Variants in P3H2 observed in about 807,000 individuals in gnomAD.
P3H2 encodes leprecan-like 1.
Under a neutral mutation model 87.0 loss-of-function variants are expected in P3H2, and 80 were observed. That is an observed-to-expected ratio of 0.92 (90% CI 0.77 to 1.11). The LOEUF is 1.11. P3H2 is among the 50% of genes least tolerant of loss of function. The probability of loss-of-function intolerance (pLI) is 0.00; values close to 1 mark genes in which losing one functional copy is unlikely to be tolerated. For synonymous variants in P3H2, 367 were observed against 359.3 expected (o/e 1.02, Z -0.24); for missense variants, 1,001 against 923.9 (o/e 1.08, Z -1.08).
At chr3:190,096,400 C>G (rs191148626) in intron 1 of P3H2, among the ~76,000 whole-genome samples, 116 of 152,258 alleles carry the variant, frequency 7.6e-4, no homozygotes, top group Non-Finnish European at 1.3e-3. Context: ...TTCACTTTCT[C>G]TCTCCTGCTT....
At chr3:189,970,300 T>A (rs961617363) in intron 13 of P3H2, among the ~76,000 whole-genome samples, 5 of 141,946 alleles carry the variant, frequency 3.5e-5, no homozygotes, top group African/African-American at 7.7e-5. Flanking sequence ...TATATATTTT[T>A]TATATATATA....
At chr3:190,079,340 A>AT (rs1726969142) in intron 1 of P3H2, among the ~76,000 whole-genome samples, 3 of 136,840 alleles carry the variant, frequency 2.2e-5, no homozygotes, top group Middle Eastern at 3.7e-3. Flanking sequence ...CTCTGTCTCA[A>AT]AAAATAAATA....
At chr3:190,011,222 G>C (rs1054035394) in intron 1 of P3H2, among the ~76,000 whole-genome samples, 1 of 149,056 alleles carries the variant, frequency 6.7e-6, no homozygotes, top group African/African-American at 2.5e-5. Flanking sequence ...GCAGTGAGCC[G>C]AGATTGCGCC....
rs113432274 is a variant in P3H2, at chr3:190,063,675, C to A, written c.480+56577G>T. On this transcript the variant is annotated intron_variant, in intron 1 of 14. Coordinates refer to ENST00000319332, the MANE Select transcript of P3H2 (RefSeq NM_018192.4). ...ATATAAATGTGTGAAAGTCTCCTCACGCCCACTGTGGTGGTGGTTGTAATT... is the reference window on the plus strand; with the variant it reads ...ATATAAATGTGTGAAAGTCTCCTCAAGCCCACTGTGGTGGTGGTTGTAATT... Among the ~76,000 whole-genome samples, 4 of 152,224 alleles carry A rather than the reference C, an allele frequency of 2.6e-5. No homozygotes were observed. In the East Asian group the frequency reaches 7.7e-4, roughly 29 times the overall value.
chr3:190,033,770 T>C (rs1480900032), intron 1 of P3H2, among the ~76,000 whole-genome samples: 1 of 152,220 alleles, frequency 6.6e-6, no homozygotes, highest in East Asian at 1.9e-4. Context: ...ATTTAAGCTA[T>C]TTGCAAGAGA....
intron 1 of P3H2, among the ~76,000 whole-genome samples, chr3:190,087,414 G>A (rs972280539): frequency 6.6e-6 from 1 of 151,670 alleles, no homozygotes; most frequent in Admixed American, 6.6e-5. Flanking sequence ...TGTGGTGGCG[G>A]GCGCCTGTAG....
At chr3:190,048,720 A>G (rs895459415) in intron 1 of P3H2, among the ~76,000 whole-genome samples, 8 of 152,226 alleles carry the variant, frequency 5.3e-5, no homozygotes, top group Non-Finnish European at 2.9e-5. Flanking sequence ...GGTGGACTAT[A>G]GGGACAGTAG....
chr3:189,964,347 G>T (rs993951803), intron 13 of P3H2, among the ~76,000 whole-genome samples: 31 of 152,208 alleles, frequency 2.0e-4, no homozygotes, highest in Non-Finnish European at 4.1e-4. Context: ...CACATACATA[G>T]TAATCATTCA....
Position 189,957,479 on chromosome 3 carries a change from G to GTA in P3H2, c.*432_*433insTA, listed in dbSNP as rs1255226635. The GTA allele has an allele frequency of 3.1e-6, 1 of 327,510 alleles. No homozygotes were observed. The highest frequency in any genetic ancestry group is 2.5e-5 in the African/African-American group (1 of 40,546). 20.3% of individuals were successfully genotyped at this position (327,510 alleles called of 1,614,324 possible). On this transcript the variant is annotated 3_prime_UTR_variant, in exon 15 of 15. Coordinates refer to ENST00000319332, the MANE Select transcript of P3H2 (RefSeq NM_018192.4). ...TGTGTGTGTGTGTGTGTGTGTGTGT[G>GTA]TTTGGGGGAGGAGGTGAACTGGGCT...
intron 1 of P3H2, among the ~76,000 whole-genome samples, chr3:190,092,703 A>G (rs1436945486): frequency 2.6e-5 from 4 of 152,220 alleles, no homozygotes; most frequent in Non-Finnish European, 2.9e-5. Flanking sequence ...AAGCTCATTC[A>G]TTTCAAGCAG....
At chr3:190,066,171 A>G (rs978449782) in intron 1 of P3H2, among the ~76,000 whole-genome samples, 16 of 151,128 alleles carry the variant, frequency 1.1e-4, no homozygotes, top group Admixed American at 9.2e-4. Context: ...ACACACACAC[A>G]CACACACATA....
intron 1 of P3H2, among the ~76,000 whole-genome samples, chr3:190,049,149 T>C (rs1314763517): frequency 6.6e-6 from 1 of 152,190 alleles, no homozygotes; most frequent in Non-Finnish European, 1.5e-5. Flanking sequence ...AACTGCATGT[T>C]CATAAATCTT....
chr3:189,964,095 A>G lies in P3H2; in HGVS notation c.1897T>C (p.Ser633Pro). 1 of 1,614,116 alleles carries G rather than the reference A, an allele frequency of 6.2e-7. No homozygotes were observed. The highest frequency in any genetic ancestry group is 2.2e-5 in the East Asian group (1 of 44,890). The stretch of plus-strand genomic sequence containing the variant: ...ATGCGCCCACATTTTGGTTTTATAG[A>G]GGCCTGAGAAAGAAAGCAAAAATTA... ...TEMDAKTVTA[S>P]IKPKCGRMIS... The change falls in exon 14 of 15, where the codon TCT (serine) becomes CCT (proline). Residue 633 changes from serine (S) to proline (P), a missense_variant. Ser to Pro is a moderately conservative substitution (Grantham distance 74). Transcript: ENST00000319332.
At chr3:189,967,058 T>C (rs945996325) in intron 13 of P3H2, among the ~76,000 whole-genome samples, 1 of 152,068 alleles carries the variant, frequency 6.6e-6, no homozygotes, top group African/African-American at 2.4e-5. Context: ...AACAGAAAAA[T>C]ACCCATTTCT....
In P3H2 at chr3:189,957,441, TTGTGTGTGTGTGTGTGTG is replaced by T. The variant is rs3062107; in HGVS notation, c.*453_*470del. The T allele has an allele frequency of 1.2e-4, 31 of 258,196 alleles. 1 individual carries two copies. The highest frequency in any genetic ancestry group is 2.2e-4 in the East Asian group (3 of 13,516). 16.0% of individuals were successfully genotyped at this position (258,196 alleles called of 1,614,324 possible). On this transcript the variant is annotated 3_prime_UTR_variant, in exon 15 of 15. Transcript: ENST00000319332. ...AGCTTTTGAATTTGCAGCAACTTAA[TTGTGTGTGTGTGTGTGTG>T]TGTGTGTGTGTGTGTGTGTGTTTGG...
chr3:190,000,263 C>A (rs768315479), intron 1 of P3H2, among the ~76,000 whole-genome samples: 3 of 152,206 alleles, frequency 2.0e-5, no homozygotes, highest in Non-Finnish European at 2.9e-5. Flanking sequence ...TACCACCCGC[C>A]TATTCAAGAA....
chr3:190,043,146 C>CTTCT (rs1381159707), intron 1 of P3H2, among the ~76,000 whole-genome samples: 67 of 82,064 alleles, frequency 8.2e-4, no homozygotes, highest in African/African-American at 2.4e-3. Context: ...ATAATAGAAG[C>CTTCT]GTCTGTGTGT....
rs766761064 is a variant in P3H2 at position 189,995,404 on chromosome 3, T to C, written c.519A>G (p.Thr173=). The C allele has an allele frequency of 3.7e-6, 6 of 1,613,906 alleles. No individual in the cohort carries two copies. In the Admixed American group the frequency reaches 5.0e-5, roughly 13 times the overall value. ...TGTGCTCAGGGTTAGCCACGAAAAA[T>C]GTGTGAGCTGCTTCCACTGCTTTTT... ...QLEKAVEAAH[T]FFVANPEHME... is the part of the protein sequence containing the mutation. The change falls in exon 2 of 15, where the codon ACA becomes ACG. Residue 173 remains threonine, a synonymous_variant. Transcript: ENST00000319332.
chr3:189,974,417 C>T lies in P3H2; in HGVS notation c.1452+141G>A, dbSNP rs1188502943. 3 of 1,211,762 alleles carry T rather than the reference C, an allele frequency of 2.5e-6. No individual in the cohort carries two copies. In the African/African-American group the frequency reaches 4.5e-5, roughly 18 times the overall value. 75.1% of individuals were successfully genotyped at this position (1,211,762 alleles called of 1,614,324 possible). ...CAACCCAAAGGCTATAAAAGTTCCT[C>T]AAAAATAATTTATGTCTTTCTCCTC... On this transcript the variant is annotated intron_variant, in intron 9 of 14. Transcript: ENST00000319332.
Sources: gnomAD v4.1 joint callset for allele counts (sites outside exome capture counted in the v4.1 genomes callset) on GRCh38, gnomAD v4.1.1 for gene constraint, MANE v1.5 for transcripts, NCBI Gene and HGNC (gene_info 2026-07-23, HGNC 2026-07-21) for gene names.